Variants in ENOX1 observed in about 807,000 individuals in gnomAD.
ENOX1 encodes the protein candidate growth-related and time keeping constitutive hydroquinone (NADH) oxidase.
ENOX1 carries 42 observed loss-of-function variants against 82.5 expected under a neutral mutation model. The ratio of observed to expected loss-of-function variants is 0.51; its 90% CI spans 0.40 to 0.66. ENOX1 has a LOEUF of 0.66. Ranked by LOEUF, ENOX1 falls within the 30% of genes least tolerant of loss-of-function variation. The pLI is 0.00. For synonymous variants in ENOX1, 271 were observed against 282.2 expected, an observed-to-expected ratio of 0.96 and a Z score of 0.40; for missense variants, 608 against 811.6, an observed-to-expected ratio of 0.75 and a Z score of 3.05.
intron 1 of ENOX1, among the ~76,000 whole-genome samples, chr13:43,741,510 G>A (rs1311342031): frequency 6.6e-6 from 1 of 152,166 alleles, no homozygotes; most frequent in East Asian, 1.9e-4. Context: ...TAGTGGTTTT[G>A]ATTTACATTT....
At chr13:43,307,970 C>A (rs922433686) in intron 11 of ENOX1, among the ~76,000 whole-genome samples, 2 of 152,202 alleles carry the variant, frequency 1.3e-5, no homozygotes, top group African/African-American at 4.8e-5. Context: ...CACATGCTTA[C>A]CACACCAGTC....
At chr13:43,611,039 G>C (rs2082178294) in intron 2 of ENOX1, among the ~76,000 whole-genome samples, 1 of 152,110 alleles carries the variant, frequency 6.6e-6, no homozygotes, top group Non-Finnish European at 1.5e-5. Context: ...ATTCAATAAA[G>C]ATAGTTCAAT....
intron 11 of ENOX1, among the ~76,000 whole-genome samples, chr13:43,309,732 A>G (rs1334562635): frequency 6.6e-6 from 1 of 152,176 alleles, no homozygotes; most frequent in African/African-American, 2.4e-5. Context: ...AATTACAGCA[A>G]TTTTTCCCTG....
At chr13:43,251,538 T>A (rs1307877804) in intron 14 of ENOX1, among the ~76,000 whole-genome samples, 1 of 152,202 alleles carries the variant, frequency 6.6e-6, no homozygotes, top group African/African-American at 2.4e-5. Context: ...AAGTGGGTTG[T>A]TCAAGATGGT....
intron 5 of ENOX1, among the ~76,000 whole-genome samples, chr13:43,370,013 C>T (rs1413694797): frequency 6.6e-6 from 1 of 152,234 alleles, no homozygotes; most frequent in Non-Finnish European, 1.5e-5. Context: ...ACCTTCACCC[C>T]TTGGTGTGCA....
At chr13:43,586,177 C>T (rs2080974344) in intron 2 of ENOX1, among the ~76,000 whole-genome samples, 1 of 152,198 alleles carries the variant, frequency 6.6e-6, no homozygotes, top group African/African-American at 2.4e-5. Context: ...CTTCGCCAAC[C>T]CCAAGCTGGG....
intron 3 of ENOX1, among the ~76,000 whole-genome samples, chr13:43,426,412 A>C (rs1263430153): frequency 6.6e-6 from 1 of 152,192 alleles, no homozygotes; most frequent in Non-Finnish European, 1.5e-5. Flanking sequence ...ACGATGGTTT[A>C]CTATTTTCAC....
At chr13:43,635,930 C>A (rs1009124845) in intron 2 of ENOX1, among the ~76,000 whole-genome samples, 2 of 152,162 alleles carry the variant, frequency 1.3e-5, no homozygotes, top group African/African-American at 4.8e-5. Flanking sequence ...CCAGTCAGCA[C>A]ACAACTATCA....
At chr13:43,530,568 C>T (rs1337366985) in intron 2 of ENOX1, among the ~76,000 whole-genome samples, 3 of 152,076 alleles carry the variant, frequency 2.0e-5, no homozygotes, top group African/African-American at 7.2e-5. Context: ...ACCCACTAGT[C>T]CCATGCTGTG....
At chr13:43,312,695 G>A (rs1445069768) in intron 11 of ENOX1, among the ~76,000 whole-genome samples, 1 of 152,148 alleles carries the variant, frequency 6.6e-6, no homozygotes, top group Non-Finnish European at 1.5e-5. Flanking sequence ...CCATACAGCA[G>A]ACTCTGCTTT....
chr13:43,322,308 C>T lies in ENOX1; in HGVS notation c.1261+76G>A, dbSNP rs554397762. The T allele has an allele frequency of 1.8e-5, 20 of 1,096,278 alleles. No individual in the cohort carries two copies. In the African/African-American group the frequency reaches 3.0e-4, roughly 16 times the overall value. The allele number at this position is 1,096,278 out of a possible 1,614,324, so 67.9% of individuals were successfully genotyped here. On this transcript the variant is annotated intron_variant, in intron 11 of 16. Coordinates refer to ENST00000690772, the MANE Select transcript of ENOX1 (RefSeq NM_001347969.2). ...TTCAAATAAAAGTGAGTTATAGGGC[C>T]ATTTACTTATTCCCCATCTGAGATT...
At chr13:43,323,316 G>C (rs2047921069) in intron 10 of ENOX1, among the ~76,000 whole-genome samples, 1 of 152,196 alleles carries the variant, frequency 6.6e-6, no homozygotes. Context: ...TAGAGCCACA[G>C]ATCTTAAGAT....
At position 43,395,793 on chromosome 13, in the gene ENOX1, A is replaced by T. The variant is rs908517643; in HGVS notation, c.208+16123T>A. On this transcript the variant is annotated intron_variant, in intron 5 of 16. Coordinates refer to ENST00000690772, the MANE Select transcript of ENOX1 (RefSeq NM_001347969.2). ...TTAAAGCAGAATACTTCGTTTACTC[A>T]TTCAAAGAAGCCCATGCCACGTAGG... Among the ~76,000 whole-genome samples, 39 of 152,212 alleles carry T rather than the reference A, an allele frequency of 2.6e-4. 1 individual carries two copies. The highest frequency in any genetic ancestry group is 6.5e-4 in the Admixed American group (10 of 15,274).
At chr13:43,339,541 C>T (rs550212347) in intron 9 of ENOX1, among the ~76,000 whole-genome samples, 7 of 152,194 alleles carry the variant, frequency 4.6e-5, no homozygotes, top group African/African-American at 9.7e-5. Flanking sequence ...GGCTTGTTTG[C>T]GGCCTGCTCC....
chr13:43,725,025 G>A (rs1244774298), intron 1 of ENOX1, among the ~76,000 whole-genome samples: 1 of 152,104 alleles, frequency 6.6e-6, no homozygotes, highest in Non-Finnish European at 1.5e-5. Flanking sequence ...GGAATACCCT[G>A]TTATTGGGCA....
intron 12 of ENOX1, among the ~76,000 whole-genome samples, chr13:43,271,697 G>A (rs757920086): frequency 1.3e-5 from 2 of 151,858 alleles, no homozygotes; most frequent in African/African-American, 4.8e-5. Flanking sequence ...AAGCATGTGT[G>A]TGCATATACA....
intron 5 of ENOX1, among the ~76,000 whole-genome samples, chr13:43,372,609 C>T (rs927759301): frequency 1.3e-5 from 2 of 152,104 alleles, no homozygotes; most frequent in Non-Finnish European, 2.9e-5. Flanking sequence ...AGGAACATAA[C>T]TGAAAGGCAA....
intron 3 of ENOX1, among the ~76,000 whole-genome samples, chr13:43,475,836 A>C (rs1297220856): frequency 6.6e-6 from 1 of 151,106 alleles, no homozygotes; most frequent in African/African-American, 2.4e-5. Context: ...AATCTCTTAG[A>C]ATAGCAAAAC....
At chr13:43,776,116 G>A (rs1951903423) in intron 1 of ENOX1, among the ~76,000 whole-genome samples, 1 of 152,200 alleles carries the variant, frequency 6.6e-6, no homozygotes, top group African/African-American at 2.4e-5. Flanking sequence ...CTATGGAGCA[G>A]AGGTATGAAC....
Sources: gnomAD v4.1 joint callset for allele counts (sites outside exome capture counted in the v4.1 genomes callset) on GRCh38, gnomAD v4.1.1 for gene constraint, MANE v1.5 for transcripts, NCBI Gene and HGNC (gene_info 2026-07-23, HGNC 2026-07-21) for gene names.